Variants in MGMT observed in about 807,000 individuals in gnomAD.
The protein encoded by MGMT is methylated-DNA--protein-cysteine methyltransferase.
A neutral mutation model predicts 15.9 loss-of-function variants in MGMT; 14 were observed. The ratio of observed to expected loss-of-function variants is 0.88; its 90% CI spans 0.58 to 1.37. The LOEUF (loss-of-function observed/expected upper bound fraction) is 1.37, where lower values mean the gene tolerates loss of function less well. Ranked by LOEUF, MGMT falls within the 40% of genes most tolerant of loss-of-function variation. The pLI is 0.00. For synonymous variants in MGMT, 130 were observed against 118.2 expected (o/e 1.10, Z -0.65); for missense variants, 282 against 268.1 (o/e 1.05, Z -0.36).
At chr10:129,474,085 G>A (rs75443923) in intron 1 of MGMT, among the ~76,000 whole-genome samples, 29 of 152,306 alleles carry the variant, frequency 1.9e-4, no homozygotes, top group South Asian at 6.2e-4. Context: ...ATGGATGCGG[G>A]TACATTTGGG....
rs190575460 is a variant in MGMT, at chr10:129,607,206, G to T, written c.125+70829G>T. Among the ~76,000 whole-genome samples, 14 of 152,104 alleles carry T rather than the reference G, an allele frequency of 9.2e-5. No individual in the cohort carries two copies. In the East Asian group the frequency reaches 2.7e-3, roughly 29 times the overall value. ...ATGGTGGAAGGAGAATCAGAACCAC[G>T]CGTAAATCCTCAGAAGGAAGAGGGC... On this transcript the variant is annotated intron_variant, in intron 2 of 4. Transcript: ENST00000651593.
chr10:129,685,877 G>A (rs1384168263), intron 2 of MGMT, among the ~76,000 whole-genome samples: 3 of 152,162 alleles, frequency 2.0e-5, no homozygotes, highest in Admixed American at 6.5e-5. Flanking sequence ...AATAAGAAAC[G>A]TTTCTATTTA....
At chr10:129,557,820 T>G (rs579952) in intron 2 of MGMT, among the ~76,000 whole-genome samples, 1 of 151,978 alleles carries the variant, frequency 6.6e-6, no homozygotes, top group Non-Finnish European at 1.5e-5. Flanking sequence ...AGGTTTGTAG[T>G]CAACTTTTTG....
intron 2 of MGMT, among the ~76,000 whole-genome samples, chr10:129,599,988 AG>A (rs1016884023): frequency 4.6e-5 from 7 of 152,104 alleles, no homozygotes; most frequent in African/African-American, 1.7e-4. Flanking sequence ...GTAGGTAGGT[AG>A]GTAGGTAGGT....
chr10:129,770,922 G>GTT lies in MGMT; in HGVS notation c.*3933_*3934dup. On this transcript the variant is annotated 3_prime_UTR_variant, in exon 5 of 5. Transcript: ENST00000651593. ...TTCCCTCAGACCTCAGACCGTGTGG[G>GTT]TTTTTTTTTCTTTCTTTCTTTCCTG... 6.7e-6 allele frequency among the ~76,000 whole-genome samples: 1 copy of GTT among 149,834 alleles called. No homozygotes were observed. Among genetic ancestry groups the GTT allele is most frequent in the East Asian group, 1.9e-4 (1 of 5,156 alleles).
At chr10:129,734,601 A>T (rs1372200050) in intron 3 of MGMT, among the ~76,000 whole-genome samples, 1 of 151,920 alleles carries the variant, frequency 6.6e-6, no homozygotes, top group Non-Finnish European at 1.5e-5. Context: ...CACTATGTTG[A>T]ATAGGAGTGG....
chr10:129,695,976 G>C (rs1211483538), intron 2 of MGMT, among the ~76,000 whole-genome samples: 7 of 152,174 alleles, frequency 4.6e-5, no homozygotes, highest in African/African-American at 1.7e-4. Flanking sequence ...CATTTCCCAG[G>C]AGTGGCTTTG....
chr10:129,608,629 G>A (rs183104258), intron 2 of MGMT, among the ~76,000 whole-genome samples: 3 of 152,282 alleles, frequency 2.0e-5, no homozygotes, highest in Non-Finnish European at 2.9e-5. Context: ...TACGCTCTTC[G>A]ATTTAGTTTT....
At chr10:129,483,064 T>C (rs1845374787) in intron 1 of MGMT, among the ~76,000 whole-genome samples, 1 of 152,212 alleles carries the variant, frequency 6.6e-6, no homozygotes, top group African/African-American at 2.4e-5. Context: ...GCTTGTTAGC[T>C]ATCTCTCTTC....
At chr10:129,554,758 G>A (rs1034224157) in intron 2 of MGMT, among the ~76,000 whole-genome samples, 4 of 152,056 alleles carry the variant, frequency 2.6e-5, no homozygotes, top group Non-Finnish European at 4.4e-5. Context: ...TAGCCCCTCC[G>A]TTCTTGTACT....
chr10:129,718,042 G>C (rs1848320307), intron 3 of MGMT, among the ~76,000 whole-genome samples: 3 of 152,200 alleles, frequency 2.0e-5, no homozygotes, highest in South Asian at 2.1e-4. Flanking sequence ...GAGACACACA[G>C]AGCTCTTTCT....
intron 1 of MGMT, among the ~76,000 whole-genome samples, chr10:129,513,213 C>T (rs1845703134): frequency 6.6e-6 from 1 of 152,054 alleles, no homozygotes; most frequent in African/African-American, 2.4e-5. Flanking sequence ...ATTCAGAGAT[C>T]AAGTAGAATA....
At chr10:129,735,120 A>T (rs1281039584) in intron 3 of MGMT, among the ~76,000 whole-genome samples, 2 of 152,174 alleles carry the variant, frequency 1.3e-5, no homozygotes, top group Non-Finnish European at 2.9e-5. Context: ...TGATTGGAAT[A>T]GTTTCAGAAG....
chr10:129,564,998 C>T (rs1846337480), intron 2 of MGMT, among the ~76,000 whole-genome samples: 1 of 152,172 alleles, frequency 6.6e-6, no homozygotes, highest in African/African-American at 2.4e-5. Context: ...TTTCCCCCAG[C>T]AGATTAAAGC....
intron 1 of MGMT, among the ~76,000 whole-genome samples, chr10:129,501,996 T>C (rs1237283415): frequency 1.3e-5 from 2 of 152,222 alleles, no homozygotes; most frequent in Admixed American, 6.5e-5. Context: ...CATGTGATAC[T>C]GGGACAGCTG....
At chr10:129,751,430 AT>A (rs1242367808) in intron 3 of MGMT, among the ~76,000 whole-genome samples, 1 of 151,722 alleles carries the variant, frequency 6.6e-6, no homozygotes, top group African/African-American at 2.4e-5. Context: ...TCTTTTAGAG[AT>A]TTATAAATTT....
At position 129,499,585 on chromosome 10, in the gene MGMT, A is replaced by G. The variant is rs187019755; in HGVS notation, c.-13+32289A>G. On this transcript the variant is annotated intron_variant, in intron 1 of 4. Coordinates refer to ENST00000651593, the MANE Select transcript of MGMT (RefSeq NM_002412.5). The stretch of plus-strand genomic sequence containing the variant: ...CTATGATTTGTGTAATTCATATCTT[A>G]TACCTACATCTGATTCATTATGATT... Among the ~76,000 whole-genome samples, 31 of 152,360 alleles carry G rather than the reference A, an allele frequency of 2.0e-4. No individual in the cohort carries two copies. In the East Asian group the frequency reaches 5.6e-3, roughly 27 times the overall value.
At chr10:129,604,116 G>T (rs538075813) in intron 2 of MGMT, among the ~76,000 whole-genome samples, 4 of 152,308 alleles carry the variant, frequency 2.6e-5, no homozygotes, top group African/African-American at 9.6e-5. Flanking sequence ...TTTACTGATG[G>T]TATGAAATGG....
At chr10:129,525,390 G>A (rs748859278) in intron 1 of MGMT, among the ~76,000 whole-genome samples, 9 of 152,134 alleles carry the variant, frequency 5.9e-5, no homozygotes, top group Non-Finnish European at 7.3e-5. Flanking sequence ...TTAGATGTCC[G>A]TCTGCTTCTG....
Sources: allele counts gnomAD v4.1 joint callset (sites outside exome capture counted in the v4.1 genomes callset), GRCh38; gene constraint gnomAD v4.1.1; transcripts MANE v1.5; gene names NCBI Gene and HGNC (gene_info 2026-07-23, HGNC 2026-07-21).